Variants in AHRR observed in about 807,000 individuals in gnomAD.
The protein encoded by AHRR is aryl hydrocarbon receptor repressor.
AHRR carries 28 observed loss-of-function variants against 44.0 expected under a neutral mutation model. The observed-to-expected ratio is 0.64, with a 90% CI of 0.47 to 0.87. The LOEUF (loss-of-function observed/expected upper bound fraction) is 0.87, where lower values mean the gene tolerates loss of function less well. AHRR is among the 40% of genes least tolerant of loss of function. AHRR has a pLI of 0.00. For missense variants in AHRR, 990 were observed against 953.9 expected (o/e 1.04, Z -0.50); for synonymous variants, 434 against 407.0 (o/e 1.07, Z -0.80).
At chr5:433,123 G>A (rs576640133) in intron 10 of AHRR, among the ~76,000 whole-genome samples, 176 bp downstream of exon 10, 4 of 152,314 alleles carry the variant, frequency 2.6e-5, no homozygotes, top group South Asian at 4.1e-4. Context: ...ACAGCTTCCC[G>A]GACTGGAAGT....
chr5:389,211 G>C (rs1734301669), intron 4 of AHRR, among the ~76,000 whole-genome samples: 1 of 149,874 alleles, frequency 6.7e-6, no homozygotes, highest in Non-Finnish European at 1.5e-5. Context: ...GGGTGAGGGA[G>C]GGGGGTGAGC....
chr5:402,433 GACCC>G lies in AHRR; in HGVS notation c.352-10910_352-10907del, dbSNP rs1326558520. Among the ~76,000 whole-genome samples, 979 of 132,142 alleles carry G rather than the reference GACCC, an allele frequency of 7.4e-3. 29 individuals are homozygous for G. The highest frequency in any genetic ancestry group is 0.011 in the Admixed American group (145 of 13,040). 86.7% of individuals were successfully genotyped at this position (132,142 alleles called of 152,430 possible). A position where few individuals can be genotyped will look rare whatever the true frequency, so the allele number is the denominator to read the frequency against. On this transcript the variant is annotated intron_variant, in intron 4 of 10. Transcript: ENST00000684583. The stretch of plus-strand genomic sequence containing the variant: ...GTTGTTGAGGGTGTGGAGAGAAGGG[GACCC>G]TCGTGCACTGTTGGCGGGAAGGCAG...
At chr5:400,775 G>A (rs1734982940) in intron 4 of AHRR, among the ~76,000 whole-genome samples, 1 of 152,174 alleles carries the variant, frequency 6.6e-6, no homozygotes, top group Admixed American at 6.5e-5. Context: ...TTAAAATTAA[G>A]GTTGCTTTTG....
chr5:350,627 G>C (rs1742827267), intron 2 of AHRR, among the ~76,000 whole-genome samples: 1 of 152,078 alleles, frequency 6.6e-6, no homozygotes, highest in Non-Finnish European at 1.5e-5. Flanking sequence ...TTGTTTTCTG[G>C]GGAGGTCTTG....
In AHRR at chr5:415,359, G is replaced by A. The variant is rs1735691258; in HGVS notation, c.441+1926G>A. ...TGGTGGGGCGGGAGGCCTAGGGGCC[G>A]AGTCTCCCTGGTCGGGTGGGAGGCC... On this transcript the variant is annotated intron_variant, in intron 5 of 10. Coordinates refer to ENST00000684583, the MANE Select transcript of AHRR (RefSeq NM_001377236.1). 2.9e-5 allele frequency among the ~76,000 whole-genome samples: 4 copies of A among 139,244 alleles called. No individual in the cohort carries two copies. In the South Asian group the frequency reaches 6.9e-4, roughly 24 times the overall value. The allele number at this position is 139,244 out of a possible 152,430, so 91.3% of individuals were successfully genotyped here.
intron 1 of AHRR, among the ~76,000 whole-genome samples, chr5:324,151 C>T (rs1470642006): frequency 1.3e-5 from 2 of 151,640 alleles, no homozygotes; most frequent in African/African-American, 2.4e-5. Context: ...CCTCTGCCTC[C>T]CAGGTTCAAG....
Position 433,928 on chromosome 5 carries a change from CA to C in AHRR, c.1189del (p.Thr397GlnfsTer114). On this transcript the variant is annotated frameshift_variant, in exon 11 of 11. Transcript: ENST00000684583. ...VTGRRETPGP[T>X]KPLPWTAGKH... ...CAGGGCGGAGGGAGACTCCAGGACC[CA>C]CAAAGCCCCTGCCCTGGACAGCGGG... 6.5e-7 allele frequency: 1 copy of C among 1,536,798 alleles called. No homozygotes were observed. The highest frequency in any genetic ancestry group is 8.8e-7 in the Non-Finnish European group (1 of 1,142,132).
intron 4 of AHRR, among the ~76,000 whole-genome samples, chr5:394,882 C>G (rs936636436): frequency 6.6e-6 from 1 of 152,174 alleles, no homozygotes; most frequent in African/African-American, 2.4e-5. Flanking sequence ...CGAGTCCTCC[C>G]CAGCCTGGGG....
In AHRR at chr5:434,925, C is replaced by T. The variant is rs190833603; in HGVS notation, c.*91C>T. On this transcript the variant is annotated 3_prime_UTR_variant, in exon 11 of 11. Coordinates refer to ENST00000684583, the MANE Select transcript of AHRR (RefSeq NM_001377236.1). Reference sequence around the variant, plus strand: ...CCCTGCTCCTGGTCAGGCCGGAGCCCGTCCTAAGACACACGCTTTGCAGAG... The same window carrying T: ...CCCTGCTCCTGGTCAGGCCGGAGCCTGTCCTAAGACACACGCTTTGCAGAG... The T allele has an allele frequency of 6.6e-3, 9,573 of 1,452,074 alleles. 45 individuals carry two copies. The highest frequency in any genetic ancestry group is 7.9e-3 in the Non-Finnish European group (8,626 of 1,092,832). 89.9% of individuals were successfully genotyped at this position (1,452,074 alleles called of 1,614,324 possible). A position where few individuals can be genotyped will look rare whatever the true frequency, so the allele number is the denominator to read the frequency against.
chr5:350,917 A>C (rs7705395), intron 2 of AHRR, among the ~76,000 whole-genome samples: 14,929 of 151,658 alleles, frequency 0.098, 2,351 homozygotes, highest in African/African-American at 0.33. Flanking sequence ...AAAAAGAAAA[A>C]CAACCCAATT....
intron 1 of AHRR, among the ~76,000 whole-genome samples, chr5:334,369 A>G (rs905854442): frequency 6.6e-6 from 1 of 152,110 alleles, no homozygotes; most frequent in African/African-American, 2.4e-5. Context: ...CAGTCGCTGT[A>G]TGTAGTCCCA....
chr5:409,086 GT>G (rs1735377884), intron 4 of AHRR, among the ~76,000 whole-genome samples: 1 of 152,136 alleles, frequency 6.6e-6, no homozygotes, highest in Non-Finnish European at 1.5e-5. Flanking sequence ...AGACTCTTAA[GT>G]TTATGAGCTT....
intron 1 of AHRR, among the ~76,000 whole-genome samples, chr5:332,663 C>A (rs1217962266): frequency 6.6e-6 from 1 of 152,146 alleles, no homozygotes; most frequent in Non-Finnish European, 1.5e-5. Context: ...GGAGAATATT[C>A]TATAATGTAA....
chr5:348,155 C>T (rs577367727), intron 2 of AHRR, among the ~76,000 whole-genome samples: 12 of 152,316 alleles, frequency 7.9e-5, no homozygotes, highest in South Asian at 4.1e-4. Flanking sequence ...CACCCAGCCT[C>T]GGTATCCTTT....
intron 8 of AHRR, among the ~76,000 whole-genome samples, chr5:430,703 G>A (rs954036699): frequency 6.6e-6 from 1 of 152,190 alleles, no homozygotes; most frequent in East Asian, 1.9e-4. Flanking sequence ...TTCCACGTTC[G>A]TTACTCATTT....
chr5:355,748 CA>C (rs1243550986), intron 3 of AHRR, among the ~76,000 whole-genome samples: 1 of 152,252 alleles, frequency 6.6e-6, no homozygotes, highest in East Asian at 1.9e-4. Context: ...TGTGCAGGGG[CA>C]CCCTGCGTGC....
intron 2 of AHRR, among the ~76,000 whole-genome samples, chr5:351,684 T>C (rs539577060): frequency 1.3e-5 from 2 of 152,356 alleles, no homozygotes; most frequent in East Asian, 3.9e-4. Flanking sequence ...GCGACGGCCC[T>C]AAGTGACATT....
intron 5 of AHRR, among the ~76,000 whole-genome samples, chr5:420,668 G>A (rs1385223910): frequency 6.6e-6 from 1 of 152,230 alleles, no homozygotes; most frequent in Non-Finnish European, 1.5e-5. Context: ...TGGGCCTTGT[G>A]GTGTCCACCA....
chr5:390,413 C>T (rs568363642), intron 4 of AHRR, among the ~76,000 whole-genome samples: 2 of 152,288 alleles, frequency 1.3e-5, no homozygotes, highest in South Asian at 2.1e-4. Flanking sequence ...AGTGAAAGCA[C>T]CGCACCGACC....
Sources: allele counts gnomAD v4.1 joint callset (sites outside exome capture counted in the v4.1 genomes callset), GRCh38; gene constraint gnomAD v4.1.1; transcripts MANE v1.5; gene names NCBI Gene and HGNC (gene_info 2026-07-23, HGNC 2026-07-21).